Variants in ERICH1 observed in about 807,000 individuals in gnomAD.
ERICH1 encodes glutamate rich 1.
ERICH1 carries 56 observed loss-of-function variants against 39.6 expected under a neutral mutation model. The observed-to-expected ratio is 1.41, with a 90% confidence interval of 1.14 to 1.77. ERICH1 has a LOEUF of 1.77. Ranked by LOEUF, ERICH1 falls within the 40% of genes most tolerant of loss-of-function variation. The probability of loss-of-function intolerance (pLI) is 0.00; values close to 1 mark genes in which losing one functional copy is unlikely to be tolerated. For missense variants in ERICH1, 826 were observed against 575.4 expected (o/e 1.44, Z -4.45); for synonymous variants, 313 against 223.6 (o/e 1.40, Z -3.57).
chr8:690,104 C>T (rs1808573118), intron 3 of ERICH1, among the ~76,000 whole-genome samples: 1 of 152,148 alleles, frequency 6.6e-6, no homozygotes, highest in South Asian at 2.1e-4. Flanking sequence ...AGGAGGAGTA[C>T]GTGCATGTTT....
At chr8:699,378 C>T (rs12156415) in intron 2 of ERICH1, among the ~76,000 whole-genome samples, 2 of 152,138 alleles carry the variant, frequency 1.3e-5, no homozygotes, top group South Asian at 4.1e-4. Context: ...CCTGGTACCA[C>T]GACATTTCAA....
In ERICH1 at chr8:715,858, C is replaced by G; in HGVS notation, c.169+3G>C. 6.2e-7 allele frequency: 1 copy of G among 1,606,412 alleles called. No individual in the cohort carries two copies. ...ACCCACCCACATCTGCAGACAAACT[C>G]ACCTGTCAAAGGCTCAGCATGTTTC... On this transcript the variant is annotated splice_donor_region_variant and intron_variant, in intron 2 of 5. Coordinates refer to ENST00000262109, the MANE Select transcript of ERICH1 (RefSeq NM_207332.3).
At chr8:694,983 G>T (rs1054551959) in intron 2 of ERICH1, among the ~76,000 whole-genome samples, 1 of 152,114 alleles carries the variant, frequency 6.6e-6, no homozygotes, top group African/African-American at 2.4e-5. Context: ...CTCCCTGCTG[G>T]ACAAGTCACA....
chr8:655,541 G>A (rs919515719), intron 3 of ERICH1, among the ~76,000 whole-genome samples: 9 of 152,178 alleles, frequency 5.9e-5, no homozygotes, highest in African/African-American at 1.7e-4. Flanking sequence ...GTCAGTTGCT[G>A]GGACCCAGGG....
Position 673,982 on chromosome 8 carries a change from T to C in ERICH1, c.370A>G (p.Lys124Glu). 2 of 1,590,114 alleles carry C rather than the reference T, an allele frequency of 1.3e-6. No homozygotes were observed. Among genetic ancestry groups the C allele is most frequent in the Non-Finnish European group, 1.7e-6 (2 of 1,175,230 alleles). Residue 124 changes from lysine to glutamate, a missense_variant, in exon 4 of 6, where the codon AAA (lysine) becomes GAA (glutamate). By Grantham distance (56) the Lys-to-Glu change is moderately conservative. Coordinates refer to ENST00000262109, the MANE Select transcript of ERICH1 (RefSeq NM_207332.3). The part of the protein sequence containing the change: ...IRKHKSKKKF[K>E]NPNNVLIEQA... ...TCTATAAGAACATTATTGGGATTTT[T>C]AAATTTTTTCTTTGATTTATGCTTC...
intron 3 of ERICH1, chr8:616,661 G>A (rs991644797): frequency 1.1e-4 from 49 of 452,442 alleles, no homozygotes; most frequent in South Asian, 2.7e-4. Context: ...ACGGGGGCGC[G>A]GGGGACAGAG....
chr8:726,858 TAC>T (rs1160882686), intron 1 of ERICH1, among the ~76,000 whole-genome samples: 1 of 148,922 alleles, frequency 6.7e-6, no homozygotes. Flanking sequence ...CATACGTATG[TAC>T]ACAGATACAC....
At chr8:619,458 G>A (rs979758716) in intron 3 of ERICH1, among the ~76,000 whole-genome samples, 12 of 152,066 alleles carry the variant, frequency 7.9e-5, no homozygotes, top group African/African-American at 2.7e-4. Flanking sequence ...ATATAGAAAC[G>A]TAATACATTT....
At chr8:712,780 T>G (rs1815053826) in intron 2 of ERICH1, among the ~76,000 whole-genome samples, 2 of 152,262 alleles carry the variant, frequency 1.3e-5, no homozygotes, top group South Asian at 2.1e-4. Flanking sequence ...GTATTAACTT[T>G]GTATCGTACA....
At chr8:667,388 T>G (rs1204152246) in intron 5 of ERICH1, 1 of 153,300 alleles carries the variant, frequency 6.5e-6, no homozygotes, top group African/African-American at 2.4e-5. Flanking sequence ...TCTCAGCGCA[T>G]GCGCACTTGG....
At chr8:617,514 G>A (rs756278434) in intron 3 of ERICH1, among the ~76,000 whole-genome samples, 2 of 152,160 alleles carry the variant, frequency 1.3e-5, no homozygotes, top group Non-Finnish European at 2.9e-5. Context: ...TGAGGGCTTG[G>A]TGCTTGGTCC....
chr8:652,472 TAA>T (rs1181580193), intron 3 of ERICH1, among the ~76,000 whole-genome samples: 2 of 152,214 alleles, frequency 1.3e-5, no homozygotes, highest in Admixed American at 6.5e-5. Flanking sequence ...TGATATCACA[TAA>T]AGTGACCACG....
chr8:716,210 C>T (rs1422812668), intron 1 of ERICH1, among the ~76,000 whole-genome samples: 2 of 152,240 alleles, frequency 1.3e-5, no homozygotes, highest in South Asian at 2.1e-4. Flanking sequence ...GAGGCTGGCC[C>T]GAGGACCCCC....
chr8:692,541 A>C lies in ERICH1; in HGVS notation c.241T>G (p.Cys81Gly). ...ASGPPEGYVP[C>G]WPEPSSCGSP... ...CCACAGCTGCTGGGCTCCGGCCAACAGGGGACGTAGCCCTCAGGAGGCCCG... is the reference window on the plus strand; with the variant it reads ...CCACAGCTGCTGGGCTCCGGCCAACCGGGGACGTAGCCCTCAGGAGGCCCG... The change falls in exon 3 of 6, where the codon TGT (cysteine) becomes GGT (glycine). Residue 81 changes from cysteine (C) to glycine (G), a missense_variant. Coordinates refer to ENST00000262109, the MANE Select transcript of ERICH1 (RefSeq NM_207332.3). 2 of 1,613,924 alleles carry C rather than the reference A, an allele frequency of 1.2e-6. No individual in the cohort carries two copies. Among genetic ancestry groups the C allele is most frequent in the African/African-American group, 2.7e-5 (2 of 75,028 alleles).
intron 3 of ERICH1, chr8:656,810 C>G (rs746144372): frequency 1.9e-4 from 188 of 985,356 alleles, no homozygotes; most frequent in Non-Finnish European, 2.3e-4. Flanking sequence ...AGCCTCAGGA[C>G]TCCCTCACTC....
intron 3 of ERICH1, among the ~76,000 whole-genome samples, chr8:638,770 T>C (rs1274832192): frequency 6.6e-6 from 1 of 152,056 alleles, no homozygotes; most frequent in African/African-American, 2.4e-5. Context: ...TTCCACCCTT[T>C]CGTTGCGTCA....
chr8:666,452 G>A (rs573693480), intron 5 of ERICH1: 1 of 152,324 alleles, frequency 6.6e-6, no homozygotes, highest in African/African-American at 2.4e-5. Context: ...ACCAGAAACA[G>A]ATGCCCGCCT....
chr8:711,993 T>A (rs527414262), intron 2 of ERICH1, among the ~76,000 whole-genome samples: 2 of 152,344 alleles, frequency 1.3e-5, no homozygotes, highest in South Asian at 4.1e-4. Flanking sequence ...TTCTGTCCCA[T>A]TAATCTATGT....
At chr8:706,735 A>G (rs563950871) in intron 2 of ERICH1, among the ~76,000 whole-genome samples, 289 of 152,290 alleles carry the variant, frequency 1.9e-3, no homozygotes, top group African/African-American at 6.6e-3. Context: ...ATGCCATTGT[A>G]CTCTAGCCTG....
Sources: allele counts gnomAD v4.1 joint callset (sites outside exome capture counted in the v4.1 genomes callset), GRCh38; gene constraint gnomAD v4.1.1; transcripts MANE v1.5; gene names NCBI Gene and HGNC (gene_info 2026-07-23, HGNC 2026-07-21).